The following MOBP variants were observed in gnomAD, a reference collection of about 807,000 sequenced individuals.
MOBP encodes the protein myelin associated oligodendrocyte basic protein.
In MOBP, 5 loss-of-function variants were observed where a neutral mutation model predicts 15.0. The ratio of observed to expected loss-of-function variants is 0.33; its 90% CI spans 0.17 to 0.70. The LOEUF (loss-of-function observed/expected upper bound fraction) is 0.70, where lower values mean the gene tolerates loss of function less well. Ranked by LOEUF, MOBP falls within the 30% of genes least tolerant of loss-of-function variation. The probability of loss-of-function intolerance (pLI) is 0.67; values close to 1 mark genes in which losing one functional copy is unlikely to be tolerated. For synonymous variants in MOBP, 88 were observed against 99.0 expected, an observed-to-expected ratio of 0.89 and a Z score of 0.66; for missense variants, 188 against 257.8, an observed-to-expected ratio of 0.73 and a Z score of 1.85.
At chr3:39,503,072 T>C, downstream of MOBP, 1 of 515,158 alleles carries the variant, frequency 1.9e-6, no homozygotes, top group Non-Finnish European at 3.4e-6. Flanking sequence ...TATTGGTGCA[T>C]ACTTCAGGTG....
intron 1 of MOBP, among the ~76,000 whole-genome samples, chr3:39,472,372 A>T (rs1251500666): frequency 6.6e-6 from 1 of 152,204 alleles, no homozygotes; most frequent in Admixed American, 6.5e-5. Context: ...TCCCTGGATG[A>T]CATAGATTAA....
intron 2 of MOBP, among the ~76,000 whole-genome samples, chr3:39,488,784 T>C (rs888460096): frequency 6.6e-6 from 1 of 152,186 alleles, no homozygotes; most frequent in Admixed American, 6.5e-5. Context: ...TTTGTCCTCA[T>C]GTGCTATTAA....
intron 1 of MOBP, among the ~76,000 whole-genome samples, chr3:39,479,074 C>T (rs760675153): frequency 6.6e-5 from 10 of 152,092 alleles, no homozygotes; most frequent in African/African-American, 1.9e-4. Context: ...GTGATCCACC[C>T]GCCTCGGCCT....
intron 1 of MOBP, among the ~76,000 whole-genome samples, chr3:39,479,557 A>G (rs563563579): frequency 1.3e-5 from 2 of 152,222 alleles, no homozygotes; most frequent in South Asian, 2.1e-4. Context: ...AGATTTTTTC[A>G]TGTGATATAC....
At chr3:39,470,529 G>T (rs541887357) in intron 1 of MOBP, among the ~76,000 whole-genome samples, 1 of 152,296 alleles carries the variant, frequency 6.6e-6, no homozygotes, top group South Asian at 2.1e-4. Flanking sequence ...TGAATTTATG[G>T]ATGAGATGCA....
intron 2 of MOBP, among the ~76,000 whole-genome samples, chr3:39,483,288 A>G (rs2042653901): frequency 6.6e-6 from 1 of 152,212 alleles, no homozygotes; most frequent in Non-Finnish European, 1.5e-5. Flanking sequence ...AGATTGCAAA[A>G]TGGAACAGAG....
At chr3:39,511,038 A>G (rs1248760850) in intron 4 of MOBP, among the ~76,000 whole-genome samples, 2 of 152,226 alleles carry the variant, frequency 1.3e-5, no homozygotes, top group Non-Finnish European at 2.9e-5. Context: ...TGTATCATCA[A>G]AATAGAAAAT....
intron 2 of MOBP, among the ~76,000 whole-genome samples, chr3:39,497,567 A>C (rs1435375787): frequency 6.6e-6 from 1 of 152,202 alleles, no homozygotes; most frequent in Non-Finnish European, 1.5e-5. Flanking sequence ...TGTGGATTCA[A>C]ATCCCTTGCT....
intron 2 of MOBP, among the ~76,000 whole-genome samples, chr3:39,488,836 A>T (rs2042753655): frequency 6.6e-6 from 1 of 152,116 alleles, no homozygotes; most frequent in Admixed American, 6.5e-5. Context: ...TGCCCTTGTC[A>T]AAGTCTCTGT....
intron 4 of MOBP, among the ~76,000 whole-genome samples, chr3:39,510,035 G>A (rs1707988): frequency 0.31 from 46,860 of 151,816 alleles, 9,481 homozygotes; most frequent in African/African-American, 0.58. Context: ...TTTGTATATG[G>A]TTTGCATATG....
intron 2 of MOBP, among the ~76,000 whole-genome samples, chr3:39,495,197 T>C (rs767101056): frequency 6.6e-6 from 1 of 152,206 alleles, no homozygotes; most frequent in Non-Finnish European, 1.5e-5. Flanking sequence ...TGAACAACTG[T>C]TGGAGTCACT....
chr3:39,518,627 G>A (rs2043229765), downstream of MOBP, among the ~76,000 whole-genome samples: 1 of 152,150 alleles, frequency 6.6e-6, no homozygotes. Flanking sequence ...CCTGGCTCAG[G>A]TGGTGGCCCA....
intron 4 of MOBP, among the ~76,000 whole-genome samples, chr3:39,510,765 CT>C (rs1410990129): frequency 6.6e-6 from 1 of 152,110 alleles, no homozygotes; most frequent in Non-Finnish European, 1.5e-5. Context: ...TGATATTTTT[CT>C]TTTCAATCTG....
intron 2 of MOBP, among the ~76,000 whole-genome samples, chr3:39,493,628 A>C (rs1160588848): frequency 6.6e-6 from 1 of 152,218 alleles, no homozygotes; most frequent in Non-Finnish European, 1.5e-5. Flanking sequence ...CAGGCATTGA[A>C]CAGGCTTAAG....
chr3:39,471,798 A>C (rs2042473873), intron 1 of MOBP, among the ~76,000 whole-genome samples: 1 of 152,180 alleles, frequency 6.6e-6, no homozygotes. Context: ...GCATAGAAGG[A>C]ATCTAACATG....
chr3:39,498,874 C>G (rs570996428), intron 2 of MOBP, among the ~76,000 whole-genome samples: 3 of 152,046 alleles, frequency 2.0e-5, no homozygotes, highest in Non-Finnish European at 4.4e-5. Context: ...GGCGGGGGTG[C>G]AGATGGGCAT....
intron 2 of MOBP, among the ~76,000 whole-genome samples, chr3:39,495,928 T>C (rs1233601867): frequency 6.6e-6 from 1 of 151,682 alleles, no homozygotes; most frequent in Non-Finnish European, 1.5e-5. Context: ...AAGATACAAA[T>C]ATAGAATATA....
chr3:39,490,438 A>G (rs1386563513), intron 2 of MOBP, among the ~76,000 whole-genome samples: 1 of 152,236 alleles, frequency 6.6e-6, no homozygotes, highest in Non-Finnish European at 1.5e-5. Flanking sequence ...TAAATATTTT[A>G]AGACTCAAAG....
At chr3:39,491,321 C>G (rs1254650420) in intron 2 of MOBP, among the ~76,000 whole-genome samples, 2 of 152,094 alleles carry the variant, frequency 1.3e-5, no homozygotes, top group Non-Finnish European at 2.9e-5. Context: ...TCTTTTTTAT[C>G]TTCTCTGGGC....
Sources: allele counts gnomAD v4.1 joint callset (sites outside exome capture counted in the v4.1 genomes callset), GRCh38; gene constraint gnomAD v4.1.1; transcripts MANE v1.5; gene names NCBI Gene and HGNC (gene_info 2026-07-23, HGNC 2026-07-21).